Variants in DST observed in about 807,000 individuals in gnomAD.
DST encodes bullous pemphigoid antigen.
Under a neutral mutation model 875.2 loss-of-function variants are expected in DST, and 253 were observed. That is an observed-to-expected ratio of 0.29 (90% CI 0.26 to 0.32). The LOEUF (loss-of-function observed/expected upper bound fraction) is 0.32, where lower values mean the gene tolerates loss of function less well. DST is among the 10% of genes least tolerant of loss of function. The probability of loss-of-function intolerance (pLI) is 1.00; values close to 1 mark genes in which losing one functional copy is unlikely to be tolerated. For missense variants in DST, 8,287 were observed against 9,111.6 expected (o/e 0.91, Z 3.68); for synonymous variants, 3,124 against 3,197.1 (o/e 0.98, Z 0.77).
rs148961710 is a variant in DST at position 56,791,246 on chromosome 6, G to A, written c.626-55957C>T. ...TGCACTCCAGCCTGGGTGACAGAGCGAGATTCCGTCTCAAAAAACAAACAA... is the reference window on the plus strand; with the variant it reads ...TGCACTCCAGCCTGGGTGACAGAGCAAGATTCCGTCTCAAAAAACAAACAA... On this transcript the variant is annotated intron_variant, in intron 4 of 103. Coordinates refer to ENST00000680361, the MANE Select transcript of DST (RefSeq NM_001374736.1). Among the ~76,000 whole-genome samples the A allele has an allele frequency of 5.8e-3, 886 of 152,252 alleles. 2 individuals are homozygous for A. Among genetic ancestry groups the A allele is most frequent in the Non-Finnish European group, 8.8e-3 (597 of 68,010 alleles).
chr6:56,778,798 C>A (rs865815449), intron 4 of DST, among the ~76,000 whole-genome samples: 1 of 151,894 alleles, frequency 6.6e-6, no homozygotes, highest in Non-Finnish European at 1.5e-5. Context: ...GGACATTTGG[C>A]TTGGTTCCAA....
Position 56,930,026 on chromosome 6 carries a change from T to G in DST, c.216+23759A>C, listed in dbSNP as rs17685198. Among the ~76,000 whole-genome samples, 357 of 152,358 alleles carry G rather than the reference T, an allele frequency of 2.3e-3. 1 individual carries two copies. Among genetic ancestry groups the G allele is most frequent in the Admixed American group, 3.1e-3 (47 of 15,304 alleles). On this transcript the variant is annotated intron_variant, in intron 2 of 103. Transcript: ENST00000680361. ...TTCCATTTAAGTTTCTGACAGAAGC[T>G]CCTCTCAGTTGGGTTAATAAGACCA...
chr6:56,638,747 C>T (rs762971037), intron 22 of DST, among the ~76,000 whole-genome samples: 4 of 152,184 alleles, frequency 2.6e-5, no homozygotes, highest in African/African-American at 4.8e-5. Flanking sequence ...TGTCCCAATA[C>T]ACCTCACAAA....
intron 28 of DST, among the ~76,000 whole-genome samples, chr6:56,632,257 A>AC (rs1454672557): frequency 1.3e-5 from 2 of 152,178 alleles, no homozygotes; most frequent in African/African-American, 4.8e-5. Flanking sequence ...CATTTGAAGT[A>AC]CCAATTTCCG....
intron 5 of DST, among the ~76,000 whole-genome samples, chr6:56,709,246 T>C (rs1476589398): frequency 6.6e-6 from 1 of 152,102 alleles, no homozygotes; most frequent in Admixed American, 6.5e-5. Flanking sequence ...GAAAGTAAAA[T>C]AGACTAGAAA....
At chr6:56,758,809 G>A (rs1010717655) in intron 4 of DST, among the ~76,000 whole-genome samples, 88 of 152,274 alleles carry the variant, frequency 5.8e-4, no homozygotes, top group African/African-American at 1.9e-3. Context: ...TAAAAGCAAC[G>A]GACCCAGCAG....
intron 37 of DST, among the ~76,000 whole-genome samples, chr6:56,612,973 G>A (rs764244235): frequency 6.6e-6 from 1 of 152,124 alleles, no homozygotes; most frequent in African/African-American, 2.4e-5. Context: ...CGGCTCCAGT[G>A]AGCTGTGATC....
At chr6:56,884,228 G>A (rs2127643614) in intron 3 of DST, among the ~76,000 whole-genome samples, 1 of 151,822 alleles carries the variant, frequency 6.6e-6, no homozygotes, top group East Asian at 1.9e-4. Flanking sequence ...ACATTTGGTT[G>A]GTAGGTCTTT....
At position 56,463,129 on chromosome 6, in the gene DST, C is replaced by A. The variant is rs1426250382; in HGVS notation, c.22987G>T (p.Gly7663Cys). Reference protein sequence around the residue: ...KILHPLTRNYGKPWLTNSKMS... With the variant: ...KILHPLTRNYCKPWLTNSKMS... ...TTGCTGTTTGTCAACCATGGTTTAC[C>A]ATAATTGCGTGTTAAAGGATGGAGA... The change falls in exon 102 of 104, where the codon GGT (glycine) becomes TGT (cysteine). Residue 7663 changes from glycine (G) to cysteine (C), a missense_variant. Gly to Cys is a radical substitution (Grantham distance 159, BLOSUM62 -3). This residue lies in a region of DST where 240 missense variants were observed against 237.3 expected (regional missense o/e 1.01). Coordinates refer to ENST00000680361, the MANE Select transcript of DST (RefSeq NM_001374736.1). The A allele has an allele frequency of 1.9e-6, 3 of 1,612,474 alleles. No homozygotes were observed. In the Admixed American group the frequency reaches 5.0e-5, roughly 27 times the overall value.
rs114157888 is a variant in DST, at chr6:56,869,809, C to T, written c.418-18205G>A. Among the ~76,000 whole-genome samples, 581 of 152,184 alleles carry T rather than the reference C, an allele frequency of 3.8e-3. 2 individuals carry two copies. The highest frequency in any genetic ancestry group is 0.013 in the African/African-American group (545 of 41,520). ...AAACGAGCCTCCCACCTCAGCCTCC[C>T]GAGTAGCCGAGACTACAGGCAGGCG... On this transcript the variant is annotated intron_variant, in intron 3 of 103. Transcript: ENST00000680361.
chr6:56,695,126 C>CAAAAAAAA lies in DST; in HGVS notation c.1047+4519_1047+4526dup, dbSNP rs34456344. Among the ~76,000 whole-genome samples, 128 of 70,050 alleles carry CAAAAAAAA rather than the reference C, an allele frequency of 1.8e-3. 1 individual carries two copies. Among genetic ancestry groups the CAAAAAAAA allele is most frequent in the African/African-American group, 6.6e-3 (119 of 18,076 alleles). 46.0% of individuals were successfully genotyped at this position (70,050 alleles called of 152,430 possible). On this transcript the variant is annotated intron_variant, in intron 9 of 103. Coordinates refer to ENST00000680361, the MANE Select transcript of DST (RefSeq NM_001374736.1). ...TGGGCGACAGAGCGAGACTCCCTCT[C>CAAAAAAAA]AAAAAAAAAAAAAAAAAAAAAGAGT... is the stretch of plus-strand genomic sequence containing the variant.
chr6:56,718,279 TG>T (rs1376143507), intron 5 of DST, among the ~76,000 whole-genome samples: 2 of 152,118 alleles, frequency 1.3e-5, no homozygotes, highest in Non-Finnish European at 2.9e-5. Context: ...CACCAAAGAA[TG>T]TACACAAATG....
At chr6:56,702,957 C>T (rs1464122672) in intron 7 of DST, among the ~76,000 whole-genome samples, 1 of 152,092 alleles carries the variant, frequency 6.6e-6, no homozygotes, top group Non-Finnish European at 1.5e-5. Flanking sequence ...GATAAATTTA[C>T]CCACTGGATC....
At position 56,561,015 on chromosome 6, in the gene DST, T is replaced by C. The variant is rs1326645741; in HGVS notation, c.14310+293A>G. Among the ~76,000 whole-genome samples the C allele has an allele frequency of 3.9e-5, 6 of 152,202 alleles. No homozygotes were observed. In the East Asian group the frequency reaches 1.2e-3, roughly 29 times the overall value. ...ATACATTTAGCCCTTAAATAAATCT[T>C]TTCCAGTAGTTGACTGGTTAACATC... On this transcript the variant is annotated intron_variant, in intron 57 of 103. Transcript: ENST00000680361.
intron 2 of DST, among the ~76,000 whole-genome samples, chr6:56,904,233 C>G (rs765762999): frequency 6.6e-6 from 1 of 152,156 alleles, no homozygotes; most frequent in Non-Finnish European, 1.5e-5. Context: ...GAAAATGAGT[C>G]ACATTGCTGG....
intron 4 of DST, among the ~76,000 whole-genome samples, chr6:56,739,887 C>A (rs1419771852): frequency 1.3e-5 from 2 of 152,184 alleles, no homozygotes; most frequent in African/African-American, 4.8e-5. Flanking sequence ...CAACCAGCAG[C>A]CCTCAGGGCT....
chr6:56,816,331 C>T (rs550351980), intron 4 of DST, among the ~76,000 whole-genome samples: 3 of 152,150 alleles, frequency 2.0e-5, no homozygotes, highest in Admixed American at 2.0e-4. Flanking sequence ...CTTCCTGTAG[C>T]GCCAAACTAA....
chr6:56,464,244 T>C, intron 100 of DST: 1 of 265,870 alleles, frequency 3.8e-6, no homozygotes, highest in Non-Finnish European at 7.3e-6. Context: ...TTACACACAA[T>C]GATTGATGGC....
intron 4 of DST, among the ~76,000 whole-genome samples, chr6:56,822,319 T>C (rs1053303800): frequency 2.0e-5 from 3 of 151,630 alleles, no homozygotes; most frequent in Admixed American, 6.6e-5. Flanking sequence ...GCCTGGAGAG[T>C]TTCCAGGATA....
Sources: gnomAD v4.1 joint callset for allele counts (sites outside exome capture counted in the v4.1 genomes callset) on GRCh38, gnomAD v4.1.1 for gene constraint, gnomAD v4.1.1 regional missense constraint, MANE v1.5 for transcripts, NCBI Gene and HGNC (gene_info 2026-07-23, HGNC 2026-07-21) for gene names.